Variants in CEMIP observed in about 807,000 individuals in gnomAD.
The protein encoded by CEMIP is cell migration inducing hyaluronidase 1, also known as cell migration-inducing and hyaluronan-binding protein.
A neutral mutation model predicts 156.9 loss-of-function variants in CEMIP; 105 were observed. The observed-to-expected ratio is 0.67, with a 90% CI of 0.57 to 0.79. CEMIP has a LOEUF of 0.79. Among genes scored for constraint, CEMIP ranks in the 30% least tolerant of loss-of-function variants. The pLI, the probability that CEMIP is intolerant of heterozygous loss-of-function variation, is 0.00. For synonymous variants in CEMIP, 676 were observed against 668.4 expected (o/e 1.01, Z -0.17); for missense variants, 1,457 against 1,769.4 (o/e 0.82, Z 3.17).
chr15:80,929,980 C>A (rs942443767), intron 21 of CEMIP, among the ~76,000 whole-genome samples: 1 of 152,220 alleles, frequency 6.6e-6, no homozygotes, highest in African/African-American at 2.4e-5. Flanking sequence ...AATCTCCTTT[C>A]TTCTGCTGGT....
intron 1 of CEMIP, among the ~76,000 whole-genome samples, chr15:80,798,736 A>G (rs1451849774): frequency 6.6e-6 from 1 of 152,182 alleles, no homozygotes; most frequent in African/African-American, 2.4e-5. Context: ...ATCTCATTAC[A>G]TATTTGAAGT....
At chr15:80,903,581 C>T (rs1192176694) in intron 12 of CEMIP, among the ~76,000 whole-genome samples, 1 of 152,212 alleles carries the variant, frequency 6.6e-6, no homozygotes, top group Non-Finnish European at 1.5e-5. Context: ...TGGAGTTTCA[C>T]TGTGTCAACC....
chr15:80,859,870 C>T (rs1897942448), intron 1 of CEMIP, among the ~76,000 whole-genome samples: 2 of 152,160 alleles, frequency 1.3e-5, no homozygotes, highest in Admixed American at 1.3e-4. Context: ...TTACCTGCAT[C>T]AGAATCTTTC....
In CEMIP at chr15:80,920,114, T is replaced by C; in HGVS notation, c.1818T>C (p.Tyr606=). The change falls in exon 15 of 30, where the codon TAT becomes TAC. Residue 606 remains tyrosine, a synonymous_variant. Coordinates refer to ENST00000394685, the MANE Select transcript of CEMIP (RefSeq NM_001293298.2). ...TGCAGATCAAGGACGTTGTGGGCTATAACTCTTTGGGCCACTGCTTCTTCA... is the reference window on the plus strand; with the variant it reads ...TGCAGATCAAGGACGTTGTGGGCTACAACTCTTTGGGCCACTGCTTCTTCA... ...NGLLIKDVVG[Y]NSLGHCFFTE... 1 of 1,614,232 alleles carries C rather than the reference T, an allele frequency of 6.2e-7. No individual in the cohort carries two copies. Among genetic ancestry groups the C allele is most frequent in the South Asian group, 1.1e-5 (1 of 91,084 alleles).
At chr15:80,919,505 A>G (rs537895025) in intron 14 of CEMIP, among the ~76,000 whole-genome samples, 1 of 152,264 alleles carries the variant, frequency 6.6e-6, no homozygotes, top group South Asian at 2.1e-4. Context: ...CTCCAGCTGG[A>G]AAGGACTTTT....
chr15:80,899,765 G>A (rs947494358), intron 12 of CEMIP, among the ~76,000 whole-genome samples: 1 of 152,184 alleles, frequency 6.6e-6, no homozygotes, highest in Non-Finnish European at 1.5e-5. Flanking sequence ...GTCTAGATTT[G>A]TGTTTATAGG....
intron 1 of CEMIP, among the ~76,000 whole-genome samples, chr15:80,789,566 T>C (rs1896027764): frequency 6.6e-6 from 1 of 151,552 alleles, no homozygotes; most frequent in Admixed American, 6.6e-5. Context: ...CTTGCTTAAA[T>C]GATTTTTTTT....
intron 1 of CEMIP, among the ~76,000 whole-genome samples, chr15:80,783,397 G>A (rs913861809): frequency 1.3e-5 from 2 of 152,200 alleles, no homozygotes; most frequent in Non-Finnish European, 2.9e-5. Context: ...TCTTATCAGG[G>A]TAAAGCATCA....
chr15:80,949,327 T>C lies in CEMIP; in HGVS notation c.*403T>C, dbSNP rs1901717310. 1.2e-5 allele frequency: 4 copies of C among 341,008 alleles called. No individual in the cohort carries two copies. The highest frequency in any genetic ancestry group is 5.8e-6 in the Non-Finnish European group (1 of 173,602). 21.1% of individuals were successfully genotyped at this position (341,008 alleles called of 1,614,324 possible). A position where few individuals can be genotyped will look rare whatever the true frequency, so the allele number is the denominator to read the frequency against. Reference sequence around the variant, plus strand: ...AGGGCTGGTCATTCACAGATCCCCATGGTCTTCAGCAGACAAGTGAGGGTG... The same window carrying C: ...AGGGCTGGTCATTCACAGATCCCCACGGTCTTCAGCAGACAAGTGAGGGTG... On this transcript the variant is annotated 3_prime_UTR_variant, in exon 30 of 30. Transcript: ENST00000394685.
chr15:80,900,650 CTGTG>C (rs1899479196), intron 12 of CEMIP, among the ~76,000 whole-genome samples: 11 of 84,600 alleles, frequency 1.3e-4, no homozygotes, highest in Non-Finnish European at 2.3e-4. Flanking sequence ...GTGTGTGTGT[CTGTG>C]TGTGTGTCTG....
At chr15:80,837,409 C>T (rs1005535513) in intron 1 of CEMIP, among the ~76,000 whole-genome samples, 1 of 152,184 alleles carries the variant, frequency 6.6e-6, no homozygotes, top group Admixed American at 6.5e-5. Context: ...AATGACAAGA[C>T]GCAAAGAACA....
chr15:80,798,532 A>G (rs1424518928), intron 1 of CEMIP, among the ~76,000 whole-genome samples: 1 of 152,192 alleles, frequency 6.6e-6, no homozygotes, highest in African/African-American at 2.4e-5. Context: ...CTGATATTTG[A>G]TATTACTATA....
intron 1 of CEMIP, among the ~76,000 whole-genome samples, chr15:80,839,331 T>TGTGTGTGTGTGTGTGTGTGTG (rs1596124534): frequency 9.3e-5 from 14 of 150,938 alleles, no homozygotes; most frequent in African/African-American, 2.9e-4. Flanking sequence ...TGTGTGTGTG[T>TGTGTGTGTGTGTGTGTGTGTG]TTAATTTGTG....
rs758623579 is a variant in CEMIP, at chr15:80,925,647, A to G, written c.2312A>G (p.Asp771Gly). Residue 771 changes from aspartate to glycine, a missense_variant, in exon 19 of 30, where the codon GAC (aspartate) becomes GGC (glycine). Asp to Gly is a moderately conservative substitution (Grantham distance 94). This residue lies in a region of CEMIP where 798 missense variants were observed against 980.1 expected (regional missense o/e 0.81). Coordinates refer to ENST00000394685, the MANE Select transcript of CEMIP (RefSeq NM_001293298.2). ...SARYSPHQDA[D>G]PLKPREPAII... ...AGATACAGCCCTCACCAGGACGCCG[A>G]CCCGCTGAAGCCCCGGGAGCCGGCC... 1 of 1,613,264 alleles carries G rather than the reference A, an allele frequency of 6.2e-7. No homozygotes were observed. The highest frequency in any genetic ancestry group is 8.5e-7 in the Non-Finnish European group (1 of 1,179,930).
chr15:80,831,722 G>A (rs577067273), intron 1 of CEMIP, among the ~76,000 whole-genome samples: 1 of 152,314 alleles, frequency 6.6e-6, no homozygotes, highest in African/African-American at 2.4e-5. Context: ...CTGCAGCTCT[G>A]TGTGTCCAGA....
At chr15:80,797,407 C>T (rs969246120) in intron 1 of CEMIP, among the ~76,000 whole-genome samples, 3 of 152,062 alleles carry the variant, frequency 2.0e-5, no homozygotes, top group African/African-American at 4.8e-5. Flanking sequence ...AGGACAGAGG[C>T]GTGCAGGGTC....
At chr15:80,915,143 T>C (rs916206404) in intron 14 of CEMIP, among the ~76,000 whole-genome samples, 1 of 152,174 alleles carries the variant, frequency 6.6e-6, no homozygotes, top group Non-Finnish European at 1.5e-5. Context: ...CCAGGAGCAG[T>C]TGGGGAGGTT....
At chr15:80,851,259 G>C (rs903274397) in intron 1 of CEMIP, among the ~76,000 whole-genome samples, 12 of 152,212 alleles carry the variant, frequency 7.9e-5, no homozygotes, top group Non-Finnish European at 1.6e-4. Flanking sequence ...GGGTGAACAG[G>C]AGACAGGGAC....
chr15:80,928,791 C>A, intron 19 of CEMIP, 111 bp from the exon 20 acceptor site: 1 of 1,346,398 alleles, frequency 7.4e-7, no homozygotes, highest in Non-Finnish European at 1.1e-6. Context: ...ACTCCTTCCT[C>A]TGCACGGTAT....
Sources: gnomAD v4.1 joint callset for allele counts (sites outside exome capture counted in the v4.1 genomes callset) on GRCh38, gnomAD v4.1.1 for gene constraint, gnomAD v4.1.1 regional missense constraint, MANE v1.5 for transcripts, NCBI Gene and HGNC (gene_info 2026-07-23, HGNC 2026-07-21) for gene names.